The following FGFRL1 variants were observed in gnomAD, a reference collection of about 807,000 sequenced individuals.
FGFRL1 encodes the protein fibroblast growth factor receptor like 1, also known as fibroblast growth factor receptor-like 1.
Under a neutral mutation model 36.8 loss-of-function variants are expected in FGFRL1, and 24 were observed. The ratio of observed to expected loss-of-function variants is 0.65; its 90% confidence interval spans 0.47 to 0.92. The LOEUF (loss-of-function observed/expected upper bound fraction) is 0.92. Ranked by LOEUF, FGFRL1 falls within the 40% of genes least tolerant of loss-of-function variation. The pLI is 0.00. For missense variants in FGFRL1, 785 were observed against 753.4 expected, an observed-to-expected ratio of 1.04 and a Z score of -0.49; for synonymous variants, 422 against 344.1, an observed-to-expected ratio of 1.23 and a Z score of -2.50.
chr4:1,024,017 C>T lies in FGFRL1; in HGVS notation c.634C>T (p.Arg212Trp), dbSNP rs774266040. 2.5e-6 allele frequency: 4 copies of T among 1,607,378 alleles called. No homozygotes were observed. The highest frequency in any genetic ancestry group is 2.5e-6 in the Non-Finnish European group (3 of 1,178,632). ...GTGGACACTGAGCCTGAAGAACCTG[C>T]GGCCGGAGGACAGCGGCAAATACAC... ...KKWTLSLKNL[R>W]PEDSGKYTCR... is the part of the protein sequence containing the mutation. Residue 212 changes from arginine to tryptophan, a missense_variant, in exon 5 of 7, where the codon CGG becomes TGG. Coordinates refer to ENST00000510644, the MANE Select transcript of FGFRL1 (RefSeq NM_001004356.3).
chr4:1,018,779 C>A (rs775042027), intron 2 of FGFRL1, among the ~76,000 whole-genome samples: 1 of 152,158 alleles, frequency 6.6e-6, no homozygotes, highest in Non-Finnish European at 1.5e-5. Context: ...GTGCCCTGGC[C>A]GCTGTCCTGG....
In FGFRL1 at chr4:1,025,168, CTG is replaced by C. The variant is rs1338482939; in HGVS notation, c.1341_1342del (p.Cys447Ter). On this transcript the variant is annotated frameshift_variant, in exon 7 of 7. Coordinates refer to ENST00000510644, the MANE Select transcript of FGFRL1 (RefSeq NM_001004356.3). LOFTEE classifies it high-confidence loss of function. ...CCTCAGCGCTGGCCCTGGTGTGGGGCTGTGTGAGGAGCATGGGTCTCCGGCAG... is the reference window on the plus strand; with the variant it reads ...CCTCAGCGCTGGCCCTGGTGTGGGGCTGTGAGGAGCATGGGTCTCCGGCAG... ...AALSAGPGVG[L>X]CEEHGSPAAP... 6 of 1,610,332 alleles carry C rather than the reference CTG, an allele frequency of 3.7e-6. No homozygotes were observed. The South Asian group carries it at 4.4e-5, about 12-fold the overall frequency.
At chr4:1,012,304 C>G (rs528210319) in intron 1 of FGFRL1, 166 bp from the exon 2 acceptor site, 3 of 655,558 alleles carry the variant, frequency 4.6e-6, no homozygotes, top group South Asian at 2.1e-5. Context: ...CTTTGTCTGC[C>G]TTTGATACCC....
At chr4:1,021,371 T>C (rs949289839) in intron 2 of FGFRL1, among the ~76,000 whole-genome samples, 1 of 151,988 alleles carries the variant, frequency 6.6e-6, no homozygotes, top group Non-Finnish European at 1.5e-5. Flanking sequence ...TGGGAGGACA[T>C]ACTGGCTGCC....
Position 1,026,893 on chromosome 4 carries a change from C to A in FGFRL1, c.*1546C>A. Reference sequence around the variant, plus strand: ...GTTAAACATGAAAGTGCATCCTTTCCCTCCAGGCTGGTGTTTCTGCCCATG... The same window carrying A: ...GTTAAACATGAAAGTGCATCCTTTCACTCCAGGCTGGTGTTTCTGCCCATG... On this transcript the variant is annotated 3_prime_UTR_variant, in exon 7 of 7. Transcript: ENST00000510644. The A allele has an allele frequency of 2.2e-6, 1 of 448,006 alleles. No individual in the cohort carries two copies. The highest frequency in any genetic ancestry group is 4.5e-6 in the Non-Finnish European group (1 of 223,340). The allele number at this position is 448,006 out of a possible 1,614,324, so 27.8% of individuals were successfully genotyped here.
chr4:1,024,913 C>A lies in FGFRL1; in HGVS notation c.1081C>A (p.Pro361Thr), dbSNP rs1716419908. The change falls in exon 7 of 7, where the codon CCG (proline) becomes ACG (threonine). Residue 361 changes from proline to threonine, a missense_variant. Transcript: ENST00000510644. ...TCCTCTCGCTCTTGCAGACCCAAAA[C>A]CGCCAGGGCCACCTGTGGCCTCCTC... is the stretch of plus-strand genomic sequence containing the variant. ...AFLTVLPDPK[P>T]PGPPVASSSS... The A allele has an allele frequency of 6.3e-7, 1 of 1,590,864 alleles. No homozygotes were observed. The highest frequency in any genetic ancestry group is 8.5e-7 in the Non-Finnish European group (1 of 1,172,196).
At chr4:1,013,984 CTG>C (rs1486108906) in intron 2 of FGFRL1, among the ~76,000 whole-genome samples, 2 of 152,226 alleles carry the variant, frequency 1.3e-5, no homozygotes, top group African/African-American at 4.8e-5. Flanking sequence ...GCAGGGGCCT[CTG>C]TGGTTTGGGT....
chr4:1,019,301 T>C (rs1716053500), intron 2 of FGFRL1, among the ~76,000 whole-genome samples: 1 of 152,214 alleles, frequency 6.6e-6, no homozygotes. Context: ...ACTCGCTCTC[T>C]TGCTTCTTCT....
rs1715586434 is a variant in FGFRL1 at position 1,011,628 on chromosome 4, A to G, written c.-343A>G. Among the ~76,000 whole-genome samples, 1 of 129,504 alleles carries G rather than the reference A, an allele frequency of 7.7e-6. No homozygotes were observed. The allele number at this position is 129,504 out of a possible 152,430, so 85.0% of individuals were successfully genotyped here. On this transcript the variant is annotated 5_prime_UTR_variant, in exon 1 of 7. Transcript: ENST00000510644. ...CCGGGCTCGGCGCTCGCTCCGGGAG[A>G]GTTGACAAAGCCCCGCAGGGAAGGA...
rs935417684 is a variant in FGFRL1 at position 1,024,299 on chromosome 4, A to C, written c.719-12A>C. The C allele has an allele frequency of 6.3e-7, 1 of 1,579,114 alleles. No homozygotes were observed. The highest frequency in any genetic ancestry group is 1.3e-5 in the African/African-American group (1 of 74,356). On this transcript the variant is annotated splice_polypyrimidine_tract_variant and intron_variant, in intron 5 of 6. Transcript: ENST00000510644. ...GGCCCAGGAGCCATGCCCGCGTGCC[A>C]CGTTCCCACAGAGCGGACCCGTTCC...
intron 2 of FGFRL1, among the ~76,000 whole-genome samples, chr4:1,021,395 C>T (rs900605476): frequency 2.0e-5 from 3 of 152,074 alleles, no homozygotes; most frequent in Admixed American, 1.3e-4. Flanking sequence ...CAGACAGGAG[C>T]GGCAGTGCCC....
At chr4:1,020,316 C>T (rs909430610) in intron 2 of FGFRL1, among the ~76,000 whole-genome samples, 8 of 152,130 alleles carry the variant, frequency 5.3e-5, no homozygotes, top group African/African-American at 1.4e-4. Context: ...CGAGAGATGC[C>T]CTGGGAACTG....
At chr4:1,014,071 G>A (rs1443812626) in intron 2 of FGFRL1, among the ~76,000 whole-genome samples, 1 of 152,232 alleles carries the variant, frequency 6.6e-6, no homozygotes, top group Non-Finnish European at 1.5e-5. Flanking sequence ...CCATCCAAGT[G>A]TGTTTCTCCT....
intron 2 of FGFRL1, among the ~76,000 whole-genome samples, chr4:1,020,198 C>T (rs980562171): frequency 2.0e-5 from 3 of 152,216 alleles, no homozygotes; most frequent in African/African-American, 4.8e-5. Flanking sequence ...CAGGCCCCAT[C>T]GAGATGGCCT....
rs1221530069 is a variant in FGFRL1, at chr4:1,023,625, CT to C, written c.353-15del. ...CCCCTCACCTGCCCTCCCTGTGCAC[CT>C]CCGTCTCTCTGCAGATGACATTAGC... On this transcript the variant is annotated splice_polypyrimidine_tract_variant and intron_variant, in intron 3 of 6. Transcript: ENST00000510644. This position sits in a 1 kb window ranked among gnomAD's most constrained non-coding sequence, Gnocchi z 6.0. The C allele has an allele frequency of 6.3e-7, 1 of 1,590,332 alleles. No homozygotes were observed. The highest frequency in any genetic ancestry group is 1.1e-5 in the South Asian group (1 of 87,222).
intron 2 of FGFRL1, among the ~76,000 whole-genome samples, chr4:1,018,457 A>G (rs2153026064): frequency 6.6e-6 from 1 of 152,034 alleles, no homozygotes; most frequent in South Asian, 2.1e-4. Context: ...CCTGTCTCAG[A>G]CTCAGTTTAC....
At position 1,025,700 on chromosome 4, in the gene FGFRL1, G is replaced by A. The variant is rs575572545; in HGVS notation, c.*353G>A. The A allele has an allele frequency of 1.4e-4, 52 of 366,558 alleles. No individual in the cohort carries two copies. Among genetic ancestry groups the A allele is most frequent in the Non-Finnish European group, 2.1e-4 (42 of 197,216 alleles). The allele number at this position is 366,558 out of a possible 1,614,324, so 22.7% of individuals were successfully genotyped here. A position where few individuals can be genotyped will look rare whatever the true frequency, so the allele number is the denominator to read the frequency against. On this transcript the variant is annotated 3_prime_UTR_variant, in exon 7 of 7. Transcript: ENST00000510644. ...GGACATGCTGCCTGAACATACACAC[G>A]CACACCCATGCGCAGATGTGCTGCC...
chr4:1,014,167 C>T (rs957140950), intron 2 of FGFRL1, among the ~76,000 whole-genome samples: 2 of 152,182 alleles, frequency 1.3e-5, no homozygotes, highest in Non-Finnish European at 2.9e-5. Flanking sequence ...CCATTTCCCG[C>T]TGGGTCATAA....
chr4:1,017,456 T>G (rs982916769), intron 2 of FGFRL1, among the ~76,000 whole-genome samples: 4 of 152,136 alleles, frequency 2.6e-5, no homozygotes, highest in African/African-American at 9.7e-5. Flanking sequence ...CCCTGCTGTG[T>G]TGTTGACCAG....
Sources: gnomAD v4.1 joint callset for allele counts (sites outside exome capture counted in the v4.1 genomes callset) on GRCh38, gnomAD v4.1.1 for gene constraint, Gnocchi (gnomAD v3.1) non-coding constraint, MANE v1.5 for transcripts, NCBI Gene and HGNC (gene_info 2026-07-23, HGNC 2026-07-21) for gene names.